The following CHD2 variants were observed in gnomAD, a reference collection of about 807,000 sequenced individuals.
CHD2 encodes ATP-dependent chromatin remodeler CHD2.
Under a neutral mutation model 243.9 loss-of-function variants are expected in CHD2, and 28 were observed. The ratio of observed to expected loss-of-function variants is 0.11; its 90% CI spans 0.09 to 0.16. The LOEUF (loss-of-function observed/expected upper bound fraction) is 0.16, where lower values mean the gene tolerates loss of function less well. CHD2 is among the 10% of genes least tolerant of loss of function. CHD2 has a pLI of 1.00. For synonymous variants in CHD2, 775 were observed against 779.0 expected (o/e 0.99, Z 0.09); for missense variants, 1,386 against 2,209.8 (o/e 0.63, Z 7.47).
rs1294177886 is a variant in CHD2, at chr15:92,998,355, T to A, written c.3886-144T>A. Reference sequence around the variant, plus strand: ...TTTCAGTGACTGGGAGCCATGGACATGAGATAGGATCTGAGGCTTTATCTA... The same window carrying A: ...TTTCAGTGACTGGGAGCCATGGACAAGAGATAGGATCTGAGGCTTTATCTA... On this transcript the variant is annotated intron_variant, in intron 30 of 38. Transcript: ENST00000394196. The surrounding 1 kb of genome is among the most constrained non-coding windows in gnomAD (Gnocchi z 5.1). 2 of 1,386,764 alleles carry A rather than the reference T, an allele frequency of 1.4e-6. No homozygotes were observed. The highest frequency in any genetic ancestry group is 1.9e-6 in the Non-Finnish European group (2 of 1,034,782). 85.9% of individuals were successfully genotyped at this position (1,386,764 alleles called of 1,614,324 possible).
At chr15:92,941,048 C>T (rs2053374106) in intron 7 of CHD2, among the ~76,000 whole-genome samples, 1 of 145,720 alleles carries the variant, frequency 6.9e-6, no homozygotes, top group South Asian at 2.1e-4. Context: ...GTTGCCCAGG[C>T]TAGAGTGCAG....
At chr15:93,014,602 CAAGAAGGAGCTGTT>C (rs1274348151) in intron 36 of CHD2, 80 bp from the exon 37 acceptor site, 1 of 1,090,784 alleles carries the variant, frequency 9.2e-7, no homozygotes, top group Admixed American at 2.3e-5. Context: ...TTAAGAAGGA[CAAGAAGGAGCTGTT>C]TAGAGGTGAT....
chr15:92,994,866 T>C (rs1440848582), intron 28 of CHD2, among the ~76,000 whole-genome samples: 1 of 152,228 alleles, frequency 6.6e-6, no homozygotes, highest in Non-Finnish European at 1.5e-5. Context: ...GGCTGATTGC[T>C]TCTTCCTGGT....
At chr15:92,949,216 A>G in intron 13 of CHD2, 140 bp downstream of exon 13, 1 of 1,480,574 alleles carries the variant, frequency 6.8e-7, no homozygotes. Flanking sequence ...TTACAGAAAT[A>G]AAAGATGATT....
intron 2 of CHD2, among the ~76,000 whole-genome samples, chr15:92,912,769 C>A (rs926477170): frequency 7.3e-5 from 11 of 151,682 alleles, no homozygotes; most frequent in South Asian, 4.5e-4. Flanking sequence ...CTCCTGACCT[C>A]GTGATCCGCC....
At chr15:93,007,209 T>C (rs1018706148) in intron 34 of CHD2, among the ~76,000 whole-genome samples, 2 of 152,242 alleles carry the variant, frequency 1.3e-5, no homozygotes, top group South Asian at 4.1e-4. Context: ...AAACAGTTGT[T>C]AATTTCTGAC....
chr15:92,943,255 C>T (rs934955786), intron 9 of CHD2, 187 bp downstream of exon 9: 2 of 580,266 alleles, frequency 3.4e-6, no homozygotes, highest in Non-Finnish European at 6.1e-6. Context: ...TTATATGTGG[C>T]TACCAAGTTT....
chr15:93,011,853 A>G (rs1050089719), intron 35 of CHD2, among the ~76,000 whole-genome samples: 2 of 152,186 alleles, frequency 1.3e-5, no homozygotes, highest in Non-Finnish European at 2.9e-5. Context: ...AGAGATGACC[A>G]ACTGAATGGA....
At chr15:92,971,449 ATGTG>A (rs200032060) in intron 17 of CHD2, among the ~76,000 whole-genome samples, 3 of 151,842 alleles carry the variant, frequency 2.0e-5, no homozygotes, top group Non-Finnish European at 4.4e-5. Flanking sequence ...GTATGTATGT[ATGTG>A]TGTGTGTGTA....
intron 26 of CHD2, 131 bp from the exon 27 acceptor site, chr15:92,991,345 A>C: frequency 1.9e-6 from 1 of 524,716 alleles, no homozygotes; most frequent in Non-Finnish European, 3.4e-6. Flanking sequence ...TTTTTTTGGT[A>C]GTGCAAGGAT....
intron 17 of CHD2, among the ~76,000 whole-genome samples, chr15:92,970,093 T>C (rs1052429801): frequency 6.6e-6 from 1 of 152,208 alleles, no homozygotes; most frequent in African/African-American, 2.4e-5. Context: ...TTTTAAATTA[T>C]AGTATTTGTA....
chr15:92,939,179 A>G (rs542115976), intron 6 of CHD2, among the ~76,000 whole-genome samples: 14 of 152,328 alleles, frequency 9.2e-5, no homozygotes, highest in African/African-American at 3.1e-4. Flanking sequence ...GTGTATATCA[A>G]TAGGATTAAT....
chr15:92,966,433 G>C (rs1041862401), intron 16 of CHD2, among the ~76,000 whole-genome samples: 1 of 152,042 alleles, frequency 6.6e-6, no homozygotes, highest in African/African-American at 2.4e-5. Context: ...TATGTTCTTG[G>C]AGTATTTGCT....
At chr15:92,916,984 T>C (rs2052851164) in intron 2 of CHD2, among the ~76,000 whole-genome samples, 1 of 152,254 alleles carries the variant, frequency 6.6e-6, no homozygotes, top group African/African-American at 2.4e-5. Flanking sequence ...GGTTTAGTTA[T>C]TTTTAAAAAT....
At chr15:93,019,991 T>G in intron 37 of CHD2, 21 bp from the exon 38 acceptor site, 1 of 1,600,782 alleles carries the variant, frequency 6.2e-7, no homozygotes, top group Non-Finnish European at 8.5e-7. Context: ...AGTCATCAGA[T>G]CATTCTTTCT....
At chr15:93,022,473 C>T (rs2054545399) in intron 38 of CHD2, among the ~76,000 whole-genome samples, 1 of 152,210 alleles carries the variant, frequency 6.6e-6, no homozygotes, top group Admixed American at 6.5e-5. Context: ...ATACCCAAAC[C>T]GTATCACCAT....
intron 3 of CHD2, 27 bp downstream of exon 3, chr15:92,924,579 T>C (rs1328816634): frequency 1.3e-6 from 2 of 1,591,682 alleles, no homozygotes; most frequent in African/African-American, 1.3e-5. Flanking sequence ...GCAGTACAAA[T>C]GTGCTGCTAG....
At chr15:92,957,451 C>G (rs1356525064) in intron 16 of CHD2, among the ~76,000 whole-genome samples, 2 of 152,158 alleles carry the variant, frequency 1.3e-5, no homozygotes, top group Non-Finnish European at 2.9e-5. Flanking sequence ...ACATCTTATC[C>G]CTAACCTGTT....
intron 17 of CHD2, 88 bp from the exon 18 acceptor site, chr15:92,971,677 A>G: frequency 2.5e-6 from 3 of 1,202,908 alleles, no homozygotes; most frequent in Non-Finnish European, 3.4e-6. Flanking sequence ...TTTCTCCACA[A>G]TACTACTACT....
Sources: allele counts gnomAD v4.1 joint callset (sites outside exome capture counted in the v4.1 genomes callset), GRCh38; gene constraint gnomAD v4.1.1; non-coding constraint Gnocchi (gnomAD v3.1); transcripts MANE v1.5; gene names NCBI Gene and HGNC (gene_info 2026-07-23, HGNC 2026-07-21).